Variants in CA12 observed in about 807,000 individuals in gnomAD.
CA12 encodes carbonate dehydratase XII.
Under a neutral mutation model 46.8 loss-of-function variants are expected in CA12, and 36 were observed. The ratio of observed to expected loss-of-function variants is 0.77; its 90% CI spans 0.59 to 1.02. The LOEUF is 1.02. Among genes scored for constraint, CA12 ranks in the 50% least tolerant of loss-of-function variants. The probability of loss-of-function intolerance (pLI) is 0.00; values close to 1 mark genes in which losing one functional copy is unlikely to be tolerated. For synonymous variants in CA12, 202 were observed against 187.0 expected (o/e 1.08, Z -0.65); for missense variants, 436 against 451.4 (o/e 0.97, Z 0.31).
At chr15:63,333,239 A>T (rs1245718312) in intron 8 of CA12, among the ~76,000 whole-genome samples, 1 of 152,184 alleles carries the variant, frequency 6.6e-6, no homozygotes, top group Non-Finnish European at 1.5e-5. Context: ...TGGGGAGATG[A>T]TGTGGAAGGA....
intron 2 of CA12, among the ~76,000 whole-genome samples, chr15:63,361,229 G>C (rs1388693466): frequency 6.6e-6 from 1 of 152,266 alleles, no homozygotes; most frequent in South Asian, 2.1e-4. Flanking sequence ...CTGCTGCTTC[G>C]AGGTGAGATG....
intron 1 of CA12, among the ~76,000 whole-genome samples, chr15:63,377,605 C>T (rs2039593624): frequency 1.3e-5 from 2 of 151,936 alleles, no homozygotes; most frequent in South Asian, 4.2e-4. Flanking sequence ...TATCAAATTA[C>T]ACTTGCACGT....
Position 63,326,269 on chromosome 15 carries a change from G to C in CA12, c.*16C>G, listed in dbSNP as rs373274369. ...AGCAAGGTCCTTCCTGGATGTGCCC[G>C]GGAGCTCCGGGGACCTCAAGCGTGG... is the stretch of plus-strand genomic sequence containing the variant. On this transcript the variant is annotated 3_prime_UTR_variant, in exon 11 of 11. Transcript: ENST00000178638. The C allele has an allele frequency of 6.2e-7, 1 of 1,609,754 alleles. No homozygotes were observed.
At position 63,328,078 on chromosome 15, in the gene CA12, C is replaced by G. The variant is rs558233295; in HGVS notation, c.907+20G>C. 6.3e-5 allele frequency: 101 copies of G among 1,612,678 alleles called. 1 individual carries two copies. The East Asian group carries it at 1.3e-3, about 21-fold the overall frequency. ...GATCACCCAGCTGCAGCATGCACGGCTGGCTGCCCAGCCACATACCCAGAC... is the reference window on the plus strand; with the variant it reads ...GATCACCCAGCTGCAGCATGCACGGGTGGCTGCCCAGCCACATACCCAGAC... On this transcript the variant is annotated intron_variant, in intron 9 of 10. Coordinates refer to ENST00000178638, the MANE Select transcript of CA12 (RefSeq NM_001218.5). The surrounding 1 kb of genome is among the most constrained non-coding windows in gnomAD (Gnocchi z 5.9).
At chr15:63,364,074 G>C (rs2039402047) in intron 2 of CA12, among the ~76,000 whole-genome samples, 1 of 151,868 alleles carries the variant, frequency 6.6e-6, no homozygotes, top group African/African-American at 2.4e-5. Flanking sequence ...GTAATCCCAG[G>C]TACTCAGGAG....
rs190058350 is a variant in CA12 at position 63,371,777 on chromosome 15, C to T, written c.106+3881G>A. Among the ~76,000 whole-genome samples, 34 of 152,274 alleles carry T rather than the reference C, an allele frequency of 2.2e-4. No homozygotes were observed. In the East Asian group the frequency reaches 5.6e-3, roughly 25 times the overall value. ...ATTCTCAGCTAACATGATGTGCTCT[C>T]GGGTCTAGCTCCAATACAGTCATTC... On this transcript the variant is annotated intron_variant, in intron 2 of 10. Coordinates refer to ENST00000178638, the MANE Select transcript of CA12 (RefSeq NM_001218.5).
At chr15:63,364,330 T>TAAAAAA (rs2039407555) in intron 2 of CA12, among the ~76,000 whole-genome samples, 1 of 2,202 alleles carries the variant, frequency 4.5e-4, no homozygotes, top group African/African-American at 8.8e-4. Context: ...ACCCCGTCAC[T>TAAAAAA]AGAAAAAAAA....
Position 63,381,675 on chromosome 15 carries a change from T to A in CA12, c.46A>T (p.Ile16Phe). 1.2e-6 allele frequency: 2 copies of A among 1,611,222 alleles called. No homozygotes were observed. Among genetic ancestry groups the A allele is most frequent in the East Asian group, 4.5e-5 (2 of 44,800 alleles). The change falls in exon 1 of 11, where the codon ATC becomes TTC. Residue 16 changes from isoleucine to phenylalanine, a missense_variant. Physicochemically the swap from Ile to Phe is conservative, Grantham distance 21. Transcript: ENST00000178638. ...GGGCTGGAAGGCTGTTCCTTTAAGA[T>A]CACCAGCAGGAGCACGGCCGCCGCG... ...LHAAAVLLLV[I>F]LKEQPSSPAP...
chr15:63,327,277 C>A lies in CA12; in HGVS notation c.908-44G>T. On this transcript the variant is annotated intron_variant, in intron 9 of 10. Transcript: ENST00000178638. The surrounding 1 kb of genome is among the most constrained non-coding windows in gnomAD (Gnocchi z 4.5). ...GCACACATTACATTCCTTCCTTCCC[C>A]TCCATCTTAGCCCATGGCCCCCGGG... The A allele has an allele frequency of 6.6e-7, 1 of 1,525,212 alleles. No individual in the cohort carries two copies. The highest frequency in any genetic ancestry group is 1.1e-5 in the South Asian group (1 of 87,232). The allele number at this position is 1,525,212 out of a possible 1,614,324, so 94.5% of individuals were successfully genotyped here. A position where few individuals can be genotyped will look rare whatever the true frequency, so the allele number is the denominator to read the frequency against.
chr15:63,373,131 G>A lies in CA12; in HGVS notation c.106+2527C>T, dbSNP rs552807584. ...TGTAATCCCAACACTTTGAGAGGCCGAGGTGGGCAGAACACTTGAGATCAG... is the reference window on the plus strand; with the variant it reads ...TGTAATCCCAACACTTTGAGAGGCCAAGGTGGGCAGAACACTTGAGATCAG... On this transcript the variant is annotated intron_variant, in intron 2 of 10. Transcript: ENST00000178638. The surrounding 1 kb of genome is among the most constrained non-coding windows in gnomAD (Gnocchi z 4.9). Among the ~76,000 whole-genome samples the A allele has an allele frequency of 3.6e-4, 55 of 152,274 alleles. No homozygotes were observed. The highest frequency in any genetic ancestry group is 1.1e-3 in the African/African-American group (46 of 41,558).
At chr15:63,363,108 A>C (rs2039387051) in intron 2 of CA12, among the ~76,000 whole-genome samples, 1 of 152,252 alleles carries the variant, frequency 6.6e-6, no homozygotes, top group Non-Finnish European at 1.5e-5. Flanking sequence ...GCTGGGTCCC[A>C]GGCCCTCCTG....
chr15:63,338,546 C>G lies in CA12; in HGVS notation c.874+273G>C, dbSNP rs1331452889. Among the ~76,000 whole-genome samples the G allele has an allele frequency of 2.6e-5, 4 of 152,184 alleles. No homozygotes were observed. In the East Asian group the frequency reaches 7.7e-4, roughly 29 times the overall value. On this transcript the variant is annotated intron_variant, in intron 8 of 10. Transcript: ENST00000178638. ...CAGAGAAGTCCCCAGGGAATTCTCTCTTACCCATCTGTGCAAGACTCCCAG... is the reference window on the plus strand; with the variant it reads ...CAGAGAAGTCCCCAGGGAATTCTCTGTTACCCATCTGTGCAAGACTCCCAG...
intron 2 of CA12, among the ~76,000 whole-genome samples, chr15:63,360,641 A>G (rs980984357): frequency 2.6e-5 from 4 of 152,148 alleles, no homozygotes; most frequent in African/African-American, 9.7e-5. Flanking sequence ...CCTCATCCCT[A>G]AAACACTCAC....
Position 63,381,840 on chromosome 15 carries a change from G to T in CA12, c.-120C>A. The T allele has an allele frequency of 1.7e-6, 1 of 578,740 alleles. No homozygotes were observed. The highest frequency in any genetic ancestry group is 2.8e-6 in the Non-Finnish European group (1 of 358,840). The allele number at this position is 578,740 out of a possible 1,614,324, so 35.9% of individuals were successfully genotyped here. On this transcript the variant is annotated 5_prime_UTR_variant, in exon 1 of 11. Transcript: ENST00000178638. ...CCTGGGTGCCGTGGCGAGTACGTCCGCCCTTCGCTCTCCTGGCTTCCCCGG... is the reference window on the plus strand; with the variant it reads ...CCTGGGTGCCGTGGCGAGTACGTCCTCCCTTCGCTCTCCTGGCTTCCCCGG...
chr15:63,376,582 C>CTTTCTTTCTT (rs2039578375), intron 1 of CA12, among the ~76,000 whole-genome samples: 1 of 118,294 alleles, frequency 8.5e-6, no homozygotes, highest in South Asian at 3.2e-4. Context: ...TTCTTTCTTT[C>CTTTCTTTCTT]TTTCTTTCTT....
At position 63,331,075 on chromosome 15, in the gene CA12, G is replaced by A. The variant is rs959937326; in HGVS notation, c.875-2945C>T. Among the ~76,000 whole-genome samples, 3 of 152,360 alleles carry A rather than the reference G, an allele frequency of 2.0e-5. No individual in the cohort carries two copies. Among genetic ancestry groups the A allele is most frequent in the South Asian group, 2.1e-4 (1 of 4,826 alleles). On this transcript the variant is annotated intron_variant, in intron 8 of 10. Transcript: ENST00000178638. This position sits in a 1 kb window ranked among gnomAD's most constrained non-coding sequence, Gnocchi z 5.3. ...ACCTCAGGAAGCCCAGGGCAGGAAG[G>A]TGTTGTTGGAATGCTGTCCCTGCCA...
chr15:63,353,340 A>C (rs141545967), intron 2 of CA12, among the ~76,000 whole-genome samples: 3 of 152,268 alleles, frequency 2.0e-5, no homozygotes, highest in African/African-American at 7.2e-5. Flanking sequence ...CGTTCACTAG[A>C]GAGGGCCCAG....
Position 63,326,237 on chromosome 15 carries a change from G to A in CA12, c.*48C>T. Reference sequence around the variant, plus strand: ...GTGTCCAGAGAGCCGAAGTGTGTAGGGTCCAAAGCAAGGTCCTTCCTGGAT... The same window carrying A: ...GTGTCCAGAGAGCCGAAGTGTGTAGAGTCCAAAGCAAGGTCCTTCCTGGAT... On this transcript the variant is annotated 3_prime_UTR_variant, in exon 11 of 11. Transcript: ENST00000178638. The A allele has an allele frequency of 7.1e-7, 1 of 1,413,042 alleles. No individual in the cohort carries two copies. Among genetic ancestry groups the A allele is most frequent in the Non-Finnish European group, 1.0e-6 (1 of 996,764 alleles). The allele number at this position is 1,413,042 out of a possible 1,614,324, so 87.5% of individuals were successfully genotyped here. A position where few individuals can be genotyped will look rare whatever the true frequency, so the allele number is the denominator to read the frequency against.
At position 63,330,678 on chromosome 15, in the gene CA12, C is replaced by T. The variant is rs2038926785; in HGVS notation, c.875-2548G>A. On this transcript the variant is annotated intron_variant, in intron 8 of 10. Coordinates refer to ENST00000178638, the MANE Select transcript of CA12 (RefSeq NM_001218.5). The surrounding 1 kb of genome is among the most constrained non-coding windows in gnomAD (Gnocchi z 4.0). ...GCAAAGTCTATGGAGAGCAAGGCCC[C>T]AGCAAGGGTGGGGCTTTTCTCAGGG... Among the ~76,000 whole-genome samples the T allele has an allele frequency of 6.8e-6, 1 of 146,612 alleles. No individual in the cohort carries two copies. Among genetic ancestry groups the T allele is most frequent in the Admixed American group, 6.8e-5 (1 of 14,680 alleles).
Sources: gnomAD v4.1 joint callset for allele counts (sites outside exome capture counted in the v4.1 genomes callset) on GRCh38, gnomAD v4.1.1 for gene constraint, Gnocchi (gnomAD v3.1) non-coding constraint, MANE v1.5 for transcripts, NCBI Gene and HGNC (gene_info 2026-07-23, HGNC 2026-07-21) for gene names.